The following TENM1 variants were observed in gnomAD, a reference collection of about 807,000 sequenced individuals.
TENM1 encodes the protein teneurin-1.
A neutral mutation model predicts 174.8 loss-of-function variants in TENM1; 35 were observed. That is an observed-to-expected ratio of 0.20 (90% CI 0.15 to 0.27). TENM1 has a LOEUF of 0.27. Among genes scored for constraint, TENM1 ranks in the 10% least tolerant of loss-of-function variants. The pLI is 1.00. For missense variants in TENM1, 1,633 were observed against 2,130.1 expected (o/e 0.77, Z 4.59); for synonymous variants, 781 against 798.7 (o/e 0.98, Z 0.37).
At chrX:124,747,377 C>T (rs1371071275) in intron 3 of TENM1, among the ~76,000 whole-genome samples, 1 of 99,954 alleles carries the variant, frequency 1.0e-5, no homozygotes, top group African/African-American at 4.2e-5. Flanking sequence ...AAAATGAGAA[C>T]ACATGTTAAT....
chrX:125,054,464 T>A, the TENM1 span, among the ~76,000 whole-genome samples: 1 of 110,832 alleles, frequency 9.0e-6, no homozygotes, highest in Non-Finnish European at 1.9e-5. Flanking sequence ...GCAAATATTG[T>A]CTCTTGTTTG....
At chrX:124,405,337 T>G (rs1349486281) in intron 26 of TENM1, 71 bp from the exon 30 acceptor site, 6 of 945,199 alleles carry the variant, frequency 6.3e-6, no homozygotes, top group Non-Finnish European at 7.4e-6. Flanking sequence ...AGAGACAGGT[T>G]TAGTTTTAGG....
chrX:124,651,942 C>T, exon 8 of TENM1: 1 of 1,207,386 alleles, frequency 8.3e-7, no homozygotes, highest in Non-Finnish European at 1.1e-6. Flanking sequence ...CGAATACTTG[C>T]TCCATCTTTT....
chrX:124,563,861 GGGA>G, intron 12 of TENM1, 89 bp from the exon 16 acceptor site: 1 of 888,789 alleles, frequency 1.1e-6, no homozygotes. Context: ...TCTGTTGCCT[GGGA>G]GGAGAACAGC....
At chrX:124,845,557 T>C (rs1372270461) in intron 3 of TENM1, among the ~76,000 whole-genome samples, 3 of 111,869 alleles carry the variant, frequency 2.7e-5, no homozygotes, top group African/African-American at 9.7e-5. Context: ...TAAGGTCCTG[T>C]ATTCCGAGCA....
chrX:124,590,434 G>A (rs1162717704), intron 11 of TENM1, among the ~76,000 whole-genome samples: 2 of 109,937 alleles, frequency 1.8e-5, no homozygotes, highest in Non-Finnish European at 3.8e-5. Context: ...GGATGTGAAG[G>A]ACCTCTTCAA....
chrX:124,979,381 A>C, the TENM1 span, among the ~76,000 whole-genome samples: 1 of 111,819 alleles, frequency 8.9e-6, no homozygotes, highest in Non-Finnish European at 1.9e-5. Context: ...TGCCCAAATA[A>C]CTGATGTTTT....
chrX:124,548,760 C>T lies in TENM1; in HGVS notation c.2435-1670G>A, dbSNP rs146537101. ...GCTCTTTTGCTTGCTCTCTCTCCCC[C>T]ACTTGTCTGCTCCCGTGGAGTTAGA... On this transcript the variant is annotated intron_variant, in intron 14 of 31. Transcript: ENST00000422452. Among the ~76,000 whole-genome samples, 7 of 111,317 alleles carry T rather than the reference C, an allele frequency of 6.3e-5. No individual in the cohort carries two copies. In the East Asian group the frequency reaches 1.4e-3, roughly 22 times the overall value.
At chrX:124,816,913 A>G (rs1457450939) in intron 3 of TENM1, among the ~76,000 whole-genome samples, 2 of 110,417 alleles carry the variant, frequency 1.8e-5, no homozygotes, top group Non-Finnish European at 3.8e-5. Flanking sequence ...TTATACTTTA[A>G]GTTCTGGGGT....
At chrX:124,743,514 G>A (rs2053848299) in intron 3 of TENM1, among the ~76,000 whole-genome samples, 2 of 112,044 alleles carry the variant, frequency 1.8e-5, no homozygotes, top group Admixed American at 1.9e-4. Flanking sequence ...GACTGAAGGA[G>A]AACAGTCACA....
intron 26 of TENM1, 93 bp downstream of exon 29, chrX:124,406,224 G>A (rs1162186117): frequency 1.5e-6 from 1 of 682,425 alleles, no homozygotes; most frequent in Admixed American, 3.1e-5. Flanking sequence ...CTCAGCTAGA[G>A]GTGAATTCTG....
chrX:125,000,566 G>A, the TENM1 span, among the ~76,000 whole-genome samples: 2 of 111,800 alleles, frequency 1.8e-5, no homozygotes, highest in African/African-American at 6.5e-5. Context: ...TTAGATTCTG[G>A]CATGAGCAGA....
At chrX:124,542,796 C>T (rs1033788725) in intron 15 of TENM1, among the ~76,000 whole-genome samples, 75 of 110,980 alleles carry the variant, frequency 6.8e-4, no homozygotes, top group African/African-American at 2.5e-3. Flanking sequence ...AGAGTGTATA[C>T]CAACTTATTC....
intron 25 of TENM1, among the ~76,000 whole-genome samples, chrX:124,414,323 C>A (rs1393190959): frequency 9.0e-6 from 1 of 111,469 alleles, no homozygotes; most frequent in East Asian, 2.8e-4. Context: ...AGTCTGGGAC[C>A]TTTTCAGTTT....
intron 18 of TENM1, among the ~76,000 whole-genome samples, chrX:124,505,334 G>A (rs1356318581): frequency 4.5e-5 from 5 of 111,595 alleles, no homozygotes; most frequent in Middle Eastern, 4.6e-3. Context: ...GACTGGGGGC[G>A]GGGGAGGAAA....
chrX:124,420,277 C>A, intron 25 of TENM1, 34 bp downstream of exon 28: 1 of 1,163,743 alleles, frequency 8.6e-7, no homozygotes. Flanking sequence ...AAATAAAAAC[C>A]TAACAAAGCC....
chrX:125,066,809 G>A, the TENM1 span, among the ~76,000 whole-genome samples: 1 of 111,662 alleles, frequency 9.0e-6, no homozygotes, highest in African/African-American at 3.2e-5. Flanking sequence ...TGGTGATTCA[G>A]GCAAACATAG....
intron 23 of TENM1, among the ~76,000 whole-genome samples, chrX:124,446,682 T>C (rs1019750400): frequency 6.2e-5 from 7 of 112,653 alleles, no homozygotes; most frequent in African/African-American, 2.3e-4. Context: ...GCTGGAATGC[T>C]GGAAAGGTAA....
intron 17 of TENM1, among the ~76,000 whole-genome samples, chrX:124,522,768 A>C (rs1379581057): frequency 3.7e-5 from 4 of 108,547 alleles, no homozygotes; most frequent in African/African-American, 1.4e-4. Context: ...AGCTCACTGC[A>C]ACCTCCGTCT....
Sources: gnomAD v4.1 joint callset for allele counts (sites outside exome capture counted in the v4.1 genomes callset) on GRCh38, gnomAD v4.1.1 for gene constraint, MANE v1.5 for transcripts, NCBI Gene and HGNC (gene_info 2026-07-23, HGNC 2026-07-21) for gene names.